The following CPEB3 variants were observed in gnomAD, a reference collection of about 807,000 sequenced individuals.
CPEB3 encodes cytoplasmic polyadenylation element binding protein 3.
A neutral mutation model predicts 67.2 loss-of-function variants in CPEB3; 20 were observed. The ratio of observed to expected loss-of-function variants is 0.30; its 90% CI spans 0.21 to 0.43. CPEB3 has a LOEUF of 0.43. CPEB3 is among the 20% of genes least tolerant of loss of function. The pLI is 1.00. For synonymous variants in CPEB3, 376 were observed against 393.1 expected, an observed-to-expected ratio of 0.96 and a Z score of 0.51; for missense variants, 746 against 968.6, an observed-to-expected ratio of 0.77 and a Z score of 3.05.
chr10:92,129,306 G>A (rs1246966401), intron 6 of CPEB3, among the ~76,000 whole-genome samples: 1 of 152,136 alleles, frequency 6.6e-6, no homozygotes, highest in African/African-American at 2.4e-5. Context: ...TGGACACATA[G>A]AGGGGAACAA....
At chr10:92,192,762 G>C (rs1849044258) in intron 2 of CPEB3, 126 bp from the exon 3 acceptor site, 1 of 591,346 alleles carries the variant, frequency 1.7e-6, no homozygotes, top group Non-Finnish European at 2.8e-6. Flanking sequence ...ACAGCATACA[G>C]TCCTTCTTTT....
In CPEB3 at chr10:92,258,625, A is replaced by AATATATAT. The variant is rs56316802; in HGVS notation, c.-11-18272_-11-18265dup. ...TTCCAGACTTCAATTATATTTTTTG[A>AATATATAT]ATATATATATATATATATATATATA... On this transcript the variant is annotated intron_variant, in intron 1 of 9. Transcript: ENST00000265997. 5.5e-4 allele frequency among the ~76,000 whole-genome samples: 18 copies of AATATATAT among 32,860 alleles called. 1 individual carries two copies. Among genetic ancestry groups the AATATATAT allele is most frequent in the Non-Finnish European group, 8.4e-4 (18 of 21,532 alleles). 21.6% of individuals were successfully genotyped at this position (32,860 alleles called of 152,430 possible).
intron 8 of CPEB3, among the ~76,000 whole-genome samples, chr10:92,082,809 T>C (rs1418808674): frequency 2.0e-5 from 3 of 151,984 alleles, no homozygotes; most frequent in African/African-American, 7.2e-5. Context: ...CACCTATATA[T>C]AGTATTTGGA....
chr10:92,139,558 A>G (rs1190059062), intron 6 of CPEB3, among the ~76,000 whole-genome samples: 1 of 152,062 alleles, frequency 6.6e-6, no homozygotes, highest in Non-Finnish European at 1.5e-5. Flanking sequence ...TGGGTGGGTA[A>G]AAGTGGGCAT....
At chr10:92,248,239 G>T (rs1030966037) in intron 1 of CPEB3, among the ~76,000 whole-genome samples, 7 of 152,146 alleles carry the variant, frequency 4.6e-5, no homozygotes, top group Non-Finnish European at 7.3e-5. Flanking sequence ...CTAATACAAT[G>T]TAAGTGTTAT....
intron 1 of CPEB3, among the ~76,000 whole-genome samples, chr10:92,278,929 TA>T (rs1296939539): frequency 3.9e-5 from 6 of 151,934 alleles, no homozygotes; most frequent in African/African-American, 7.3e-5. Context: ...GTGTTTTTAT[TA>T]TTTTTTTTTT....
intron 1 of CPEB3, among the ~76,000 whole-genome samples, chr10:92,253,437 C>T (rs1253518786): frequency 1.1e-5 from 1 of 93,766 alleles, no homozygotes; most frequent in Non-Finnish European, 1.9e-5. Context: ...TCCAGCCTGA[C>T]AACAGAGCAA....
intron 2 of CPEB3, among the ~76,000 whole-genome samples, chr10:92,221,135 G>C (rs928356363): frequency 6.6e-6 from 1 of 152,190 alleles, no homozygotes; most frequent in African/African-American, 2.4e-5. Context: ...AGCAATACCT[G>C]TCAAGTTAAT....
At chr10:92,100,050 G>A (rs973789401) in intron 7 of CPEB3, among the ~76,000 whole-genome samples, 6 of 152,028 alleles carry the variant, frequency 3.9e-5, no homozygotes, top group Admixed American at 6.6e-5. Flanking sequence ...TGGGAAGATC[G>A]TTTAGGCCCA....
intron 1 of CPEB3, among the ~76,000 whole-genome samples, chr10:92,241,082 A>C (rs1851830378): frequency 6.6e-6 from 1 of 152,180 alleles, no homozygotes; most frequent in Admixed American, 6.5e-5. Context: ...TTAAAGAAGT[A>C]AAAACCTACT....
intron 6 of CPEB3, among the ~76,000 whole-genome samples, chr10:92,127,411 C>T (rs1218851586): frequency 2.0e-5 from 3 of 152,090 alleles, no homozygotes; most frequent in East Asian, 1.9e-4. Context: ...TGTGGTGGCT[C>T]ACGACTGTAA....
chr10:92,057,464 C>G lies in CPEB3; in HGVS notation c.1870-5025G>C, dbSNP rs184129131. Among the ~76,000 whole-genome samples the G allele has an allele frequency of 2.4e-3, 364 of 152,328 alleles. 2 individuals carry two copies. The highest frequency in any genetic ancestry group is 9.5e-3 in the East Asian group (49 of 5,180). ...ATACCAGGTAGACTTCTAAGGTTTT[C>G]CACTTAAGTACATGATGCCCGGAGA... is the stretch of plus-strand genomic sequence containing the variant. On this transcript the variant is annotated intron_variant, in intron 9 of 9. Coordinates refer to ENST00000265997, the MANE Select transcript of CPEB3 (RefSeq NM_014912.5).
Position 92,258,696 on chromosome 10 carries a change from C to A in CPEB3, c.-11-18335G>T, listed in dbSNP as rs541080926. Among the ~76,000 whole-genome samples, 173 of 106,704 alleles carry A rather than the reference C, an allele frequency of 1.6e-3. 1 individual carries two copies. Among genetic ancestry groups the A allele is most frequent in the Non-Finnish European group, 2.7e-3 (156 of 57,070 alleles). 70.0% of individuals were successfully genotyped at this position (106,704 alleles called of 152,430 possible). On this transcript the variant is annotated intron_variant, in intron 1 of 9. Coordinates refer to ENST00000265997, the MANE Select transcript of CPEB3 (RefSeq NM_014912.5). The stretch of plus-strand genomic sequence containing the variant: ...TATATATATTTCATGTATTTGTGTT[C>A]ATCTTAGGTCAAAAAATGTTCACTA...
intron 2 of CPEB3, among the ~76,000 whole-genome samples, chr10:92,212,720 T>A (rs1228036670): frequency 6.6e-6 from 1 of 152,184 alleles, no homozygotes; most frequent in South Asian, 2.1e-4. Context: ...AATTTTTGTA[T>A]TGATCATGTG....
intron 4 of CPEB3, among the ~76,000 whole-genome samples, chr10:92,160,894 TG>T: frequency 6.6e-6 from 1 of 152,144 alleles, no homozygotes; most frequent in East Asian, 1.9e-4. Flanking sequence ...GGAGTTTTGT[TG>T]GTTTGTTTTT....
chr10:92,204,984 T>C (rs1024052133), intron 2 of CPEB3, among the ~76,000 whole-genome samples: 1 of 151,676 alleles, frequency 6.6e-6, no homozygotes, highest in African/African-American at 2.4e-5. Flanking sequence ...GGATTACAGG[T>C]ACCTGCCACG....
intron 2 of CPEB3, among the ~76,000 whole-genome samples, chr10:92,200,545 C>CAAA (rs57165866): frequency 1.5e-3 from 82 of 54,378 alleles, no homozygotes; most frequent in East Asian, 2.7e-3. Flanking sequence ...AACTCCGTCT[C>CAAA]AAAAAAAAAA....
chr10:92,192,770 TTTTA>T, intron 2 of CPEB3, 134 bp from the exon 3 acceptor site: 1 of 574,132 alleles, frequency 1.7e-6, no homozygotes, highest in African/African-American at 1.9e-5. Flanking sequence ...CAGTCCTTCT[TTTTA>T]TTTGTTTATT....
At chr10:92,268,464 G>A (rs759342158) in intron 1 of CPEB3, among the ~76,000 whole-genome samples, 9 of 152,102 alleles carry the variant, frequency 5.9e-5, no homozygotes, top group African/African-American at 2.2e-4. Flanking sequence ...TCCATCTCTA[G>A]TAAATAAATA....
Sources: allele counts gnomAD v4.1 joint callset (sites outside exome capture counted in the v4.1 genomes callset), GRCh38; gene constraint gnomAD v4.1.1; transcripts MANE v1.5; gene names NCBI Gene and HGNC (gene_info 2026-07-23, HGNC 2026-07-21).